BMP6: variants seen among roughly 807,000 people sequenced by gnomAD.
BMP6 encodes the protein bone morphogenetic protein 6.
Under a neutral mutation model 54.1 loss-of-function variants are expected in BMP6, and 17 were observed. That is an observed-to-expected ratio of 0.31 (90% CI 0.22 to 0.47). The LOEUF is 0.47. Ranked by LOEUF, BMP6 falls within the 20% of genes least tolerant of loss-of-function variation. The pLI, the probability that BMP6 is intolerant of heterozygous loss-of-function variation, is 1.00. For synonymous variants in BMP6, 328 were observed against 291.2 expected, an observed-to-expected ratio of 1.13 and a Z score of -1.28; for missense variants, 720 against 690.4, an observed-to-expected ratio of 1.04 and a Z score of -0.48.
rs967873795 is a variant in BMP6 at position 7,727,060 on chromosome 6, G to A, written c.105G>A (p.Ala35=). 7.2e-5 allele frequency: 87 copies of A among 1,200,126 alleles called. 1 individual carries two copies. Among genetic ancestry groups the A allele is most frequent in the Admixed American group, 3.7e-4 (8 of 21,880 alleles). The allele number at this position is 1,200,126 out of a possible 1,614,324, so 74.3% of individuals were successfully genotyped here. A position where few individuals can be genotyped will look rare whatever the true frequency, so the allele number is the denominator to read the frequency against. ...TGCGGCCGCCCTTGCCCGCTGCCGC[G>A]GCCGCCGCCGCCGGGGGGCAGCTGC... is the stretch of plus-strand genomic sequence containing the variant. ...PPLRPPLPAA[A]AAAAGGQLLG... Residue 35 remains alanine, a synonymous_variant, in exon 1 of 7, where the codon GCG becomes GCA. Coordinates refer to ENST00000283147, the MANE Select transcript of BMP6 (RefSeq NM_001718.6).
At chr6:7,732,699 G>A (rs1053194400) in intron 1 of BMP6, among the ~76,000 whole-genome samples, 4 of 152,134 alleles carry the variant, frequency 2.6e-5, no homozygotes, top group African/African-American at 9.7e-5. Flanking sequence ...ATCAAACGTA[G>A]TATATCAAAC....
intron 1 of BMP6, among the ~76,000 whole-genome samples, chr6:7,757,126 G>C (rs1262076659): frequency 2.0e-5 from 3 of 152,142 alleles, no homozygotes; most frequent in Non-Finnish European, 2.9e-5. Context: ...GACCCTATTT[G>C]GTAGCCCTCT....
rs755710426 is a variant in BMP6 at position 7,727,351 on chromosome 6, G to A, written c.396G>A (p.Ala132=). 1 of 1,609,926 alleles carries A rather than the reference G, an allele frequency of 6.2e-7. No individual in the cohort carries two copies. The highest frequency in any genetic ancestry group is 8.5e-7 in the Non-Finnish European group (1 of 1,178,820). Residue 132 remains alanine, a synonymous_variant, in exon 1 of 7, where the codon GCG becomes GCA. Coordinates refer to ENST00000283147, the MANE Select transcript of BMP6 (RefSeq NM_001718.6). ...CCCCTCCCGGGCGACTGAAGTCCGCGCCCCTCTTCATGCTGGATCTGTACA... is the reference window on the plus strand; with the variant it reads ...CCCCTCCCGGGCGACTGAAGTCCGCACCCCTCTTCATGCTGGATCTGTACA... The part of the protein sequence containing the change: ...GEPPPGRLKS[A]PLFMLDLYNA...
rs1377534086 is a variant in BMP6 at position 7,881,115 on chromosome 6, A to G, written c.*772A>G. The G allele has an allele frequency of 6.6e-6, 1 of 152,302 alleles. No individual in the cohort carries two copies. Among genetic ancestry groups the G allele is most frequent in the Admixed American group, 6.5e-5 (1 of 15,278 alleles). The allele number at this position is 152,302 out of a possible 1,614,324, so 9.4% of individuals were successfully genotyped here. A position where few individuals can be genotyped will look rare whatever the true frequency, so the allele number is the denominator to read the frequency against. On this transcript the variant is annotated 3_prime_UTR_variant, in exon 7 of 7. Coordinates refer to ENST00000283147, the MANE Select transcript of BMP6 (RefSeq NM_001718.6). ...TCTTTACCAGAACGGTTCTTTGACC[A>G]GCACATTAACTTCTGGACTGCCGGC...
In BMP6 at chr6:7,765,638, G is replaced by A. The variant is rs148913320; in HGVS notation, c.664+38019G>A. 6.2e-4 allele frequency among the ~76,000 whole-genome samples: 95 copies of A among 152,318 alleles called. No individual in the cohort carries two copies. In the East Asian group the frequency reaches 0.017, roughly 28 times the overall value. On this transcript the variant is annotated intron_variant, in intron 1 of 6. Coordinates refer to ENST00000283147, the MANE Select transcript of BMP6 (RefSeq NM_001718.6). ...CTTGACGCTCTTTTAGCACATGCTG[G>A]TAGACGGCAAGCATGTTTCTTGTGG... is the stretch of plus-strand genomic sequence containing the variant.
At chr6:7,770,474 C>T (rs1434236912) in intron 1 of BMP6, among the ~76,000 whole-genome samples, 2 of 152,046 alleles carry the variant, frequency 1.3e-5, no homozygotes, top group African/African-American at 4.8e-5. Flanking sequence ...GTTTTTTTCA[C>T]GATTTGTCTT....
intron 1 of BMP6, among the ~76,000 whole-genome samples, chr6:7,800,127 A>G (rs145602497): frequency 6.6e-6 from 1 of 150,674 alleles, no homozygotes; most frequent in East Asian, 2.0e-4. Flanking sequence ...TGTGTGATCT[A>G]AAAGAAGCCA....
chr6:7,838,436 T>C (rs1469009926), intron 1 of BMP6, among the ~76,000 whole-genome samples: 1 of 152,174 alleles, frequency 6.6e-6, no homozygotes, highest in Non-Finnish European at 1.5e-5. Context: ...CAGTCTCACT[T>C]ACGAACTCAC....
chr6:7,863,401 A>C (rs1468871144), intron 4 of BMP6, among the ~76,000 whole-genome samples: 3 of 152,162 alleles, frequency 2.0e-5, no homozygotes, highest in African/African-American at 7.2e-5. Flanking sequence ...TGGAATTCTT[A>C]GTAAAACTAT....
intron 1 of BMP6, among the ~76,000 whole-genome samples, chr6:7,783,013 A>G (rs190670123): frequency 6.6e-6 from 1 of 152,332 alleles, no homozygotes; most frequent in Admixed American, 6.5e-5. Flanking sequence ...GATCTAGGCA[A>G]GAGTCAAATA....
At chr6:7,771,440 CATA>C (rs1343994111) in intron 1 of BMP6, among the ~76,000 whole-genome samples, 3 of 152,226 alleles carry the variant, frequency 2.0e-5, no homozygotes, top group Non-Finnish European at 2.9e-5. Context: ...ACAAAACCCT[CATA>C]ATAATACCAT....
intron 5 of BMP6, 83 bp downstream of exon 5, chr6:7,879,233 C>T: frequency 7.1e-7 from 1 of 1,399,340 alleles, no homozygotes; most frequent in Non-Finnish European, 1.0e-6. Context: ...TACCAAACAC[C>T]CAGAGCTTGA....
chr6:7,794,188 T>C (rs529999049), intron 1 of BMP6, among the ~76,000 whole-genome samples: 1 of 152,348 alleles, frequency 6.6e-6, no homozygotes, highest in African/African-American at 2.4e-5. Context: ...GCATGTGTTC[T>C]GTCAAACCTA....
chr6:7,819,263 TAGC>T (rs940169072), intron 1 of BMP6, among the ~76,000 whole-genome samples: 3 of 152,200 alleles, frequency 2.0e-5, no homozygotes, highest in African/African-American at 7.2e-5. Context: ...GTCCCAGTTT[TAGC>T]AGCTGGAGAG....
chr6:7,846,987 G>A (rs191078397), intron 2 of BMP6, among the ~76,000 whole-genome samples: 37 of 152,190 alleles, frequency 2.4e-4, no homozygotes, highest in Admixed American at 4.6e-4. Context: ...CCCTAGGCTG[G>A]GAGTTAAGTG....
intron 1 of BMP6, among the ~76,000 whole-genome samples, chr6:7,772,792 A>G (rs1254084122): frequency 6.6e-6 from 1 of 152,124 alleles, no homozygotes. Flanking sequence ...CCTTCTATCT[A>G]AGGTCCCATG....
chr6:7,787,776 A>G (rs1432606169), intron 1 of BMP6, among the ~76,000 whole-genome samples: 4 of 152,316 alleles, frequency 2.6e-5, no homozygotes, highest in Admixed American at 6.5e-5. Context: ...CTCAACTCCT[A>G]TGGAATGTTT....
intron 1 of BMP6, among the ~76,000 whole-genome samples, chr6:7,747,846 A>G (rs1292512592): frequency 1.3e-5 from 2 of 149,460 alleles, no homozygotes; most frequent in Non-Finnish European, 3.0e-5. Context: ...GGGTTTCTCC[A>G]TGTTGCCCAG....
chr6:7,857,271 C>A (rs189597048), intron 2 of BMP6, among the ~76,000 whole-genome samples: 1 of 152,274 alleles, frequency 6.6e-6, no homozygotes, highest in Non-Finnish European at 1.5e-5. Context: ...ATCTTACTAG[C>A]ATATTAATTT....
Sources: gnomAD v4.1 joint callset for allele counts (sites outside exome capture counted in the v4.1 genomes callset) on GRCh38, gnomAD v4.1.1 for gene constraint, MANE v1.5 for transcripts, NCBI Gene and HGNC (gene_info 2026-07-23, HGNC 2026-07-21) for gene names.